Variants in KCNH7 observed in about 807,000 individuals in gnomAD.
KCNH7 encodes the protein potassium voltage-gated channel subfamily H member 7, also known as voltage-gated inwardly rectifying potassium channel KCNH7.
In KCNH7, 49 loss-of-function variants were observed where a neutral mutation model predicts 120.8. That is an observed-to-expected ratio of 0.41 (90% CI 0.32 to 0.51). The LOEUF is 0.51. KCNH7 is among the 20% of genes least tolerant of loss of function. The pLI is 0.38. For missense variants in KCNH7, 1,097 were observed against 1,446.6 expected, an observed-to-expected ratio of 0.76 and a Z score of 3.92; for synonymous variants, 547 against 516.1, an observed-to-expected ratio of 1.06 and a Z score of -0.81.
At chr2:162,773,220 G>GA (rs1683121307) in intron 2 of KCNH7, among the ~76,000 whole-genome samples, 2 of 152,198 alleles carry the variant, frequency 1.3e-5, no homozygotes, top group Non-Finnish European at 2.9e-5. Context: ...GGGCATAGTA[G>GA]TTCATGCCTG....
intron 2 of KCNH7, among the ~76,000 whole-genome samples, chr2:162,766,864 T>TAC (rs200638624): frequency 0.086 from 12,137 of 141,456 alleles, 504 homozygotes; most frequent in African/African-American, 0.094. Flanking sequence ...CTAAGCACAT[T>TAC]ACACACACAC....
At chr2:162,468,774 A>G (rs939545088) in intron 6 of KCNH7, among the ~76,000 whole-genome samples, 4 of 151,542 alleles carry the variant, frequency 2.6e-5, no homozygotes, top group African/African-American at 9.7e-5. Flanking sequence ...GTCTCGATCT[A>G]CTGACCTCAT....
chr2:162,517,596 CA>C (rs1324806053), intron 4 of KCNH7, 133 bp downstream of exon 4: 3 of 721,922 alleles, frequency 4.2e-6, no homozygotes, highest in Non-Finnish European at 6.5e-6. Flanking sequence ...GTGTAGGACT[CA>C]GGTTTTTAAT....
intron 5 of KCNH7, among the ~76,000 whole-genome samples, chr2:162,509,012 T>C (rs995490953): frequency 5.3e-5 from 8 of 151,430 alleles, no homozygotes; most frequent in Admixed American, 2.0e-4. Context: ...TTTTTCAATA[T>C]ATTAGGAGAA....
intron 2 of KCNH7, among the ~76,000 whole-genome samples, chr2:162,706,774 C>A (rs989414311): frequency 1.3e-5 from 2 of 152,104 alleles, no homozygotes; most frequent in African/African-American, 4.8e-5. Flanking sequence ...AGAGGCTTGG[C>A]ATAATGCTTG....
At chr2:162,549,377 T>A (rs1313348332) in intron 2 of KCNH7, among the ~76,000 whole-genome samples, 1 of 152,236 alleles carries the variant, frequency 6.6e-6, no homozygotes, top group Non-Finnish European at 1.5e-5. Flanking sequence ...AAACAGGAAC[T>A]TTCATCAAAA....
rs758417385 is a variant in KCNH7 at position 162,419,274 on chromosome 2, T to TAA, written c.2154+4060_2154+4061dup. On this transcript the variant is annotated intron_variant, in intron 9 of 15. Coordinates refer to ENST00000332142, the MANE Select transcript of KCNH7 (RefSeq NM_033272.4). ...AATTTCCTCCATTAATGTCCCAGGC[T>TAA]AAAAAAAAAAAAAAAAAAAAAAAGC... Among the ~76,000 whole-genome samples, 460 of 61,784 alleles carry TAA rather than the reference T, an allele frequency of 7.4e-3. 6 individuals carry two copies. The highest frequency in any genetic ancestry group is 0.025 in the African/African-American group (417 of 16,818). 40.5% of individuals were successfully genotyped at this position (61,784 alleles called of 152,430 possible).
chr2:162,643,804 CAAA>C (rs781089376), intron 2 of KCNH7, among the ~76,000 whole-genome samples: 3,943 of 89,844 alleles, frequency 0.044, 66 homozygotes, highest in African/African-American at 0.13. Flanking sequence ...GACTCTATCT[CAAA>C]AAAAAAAAAA....
chr2:162,537,279 C>T (rs10490428), intron 2 of KCNH7, among the ~76,000 whole-genome samples, 199 bp from the exon 3 acceptor site: 2,926 of 151,918 alleles, frequency 0.019, 37 homozygotes, highest in Non-Finnish European at 0.03. Context: ...TCCAGAAAAA[C>T]GTTACAAATA....
intron 3 of KCNH7, among the ~76,000 whole-genome samples, chr2:162,521,411 G>T (rs187405268): frequency 6.6e-6 from 1 of 151,972 alleles, no homozygotes; most frequent in Admixed American, 6.6e-5. Flanking sequence ...TGATTGAGTA[G>T]AACTCAATAG....
intron 6 of KCNH7, among the ~76,000 whole-genome samples, chr2:162,468,560 G>C (rs1689386965): frequency 1.9e-5 from 2 of 105,950 alleles, no homozygotes. Flanking sequence ...TCAGTCTGTT[G>C]CCCAGGATGG....
intron 2 of KCNH7, among the ~76,000 whole-genome samples, chr2:162,818,869 C>G (rs1386402078): frequency 6.6e-6 from 1 of 152,088 alleles, no homozygotes; most frequent in Non-Finnish European, 1.5e-5. Context: ...GTTAACCCCA[C>G]CAATTATGGG....
intron 3 of KCNH7, among the ~76,000 whole-genome samples, chr2:162,528,785 G>A (rs1274830635): frequency 6.6e-6 from 1 of 151,958 alleles, no homozygotes; most frequent in Admixed American, 6.6e-5. Context: ...AATACTAATT[G>A]TGAGACTATT....
intron 2 of KCNH7, among the ~76,000 whole-genome samples, chr2:162,790,654 C>T (rs147091832): frequency 1.3e-4 from 20 of 152,144 alleles, no homozygotes; most frequent in African/African-American, 4.1e-4. Context: ...GAGATTTACA[C>T]TTGGGAGGAA....
intron 2 of KCNH7, among the ~76,000 whole-genome samples, chr2:162,540,323 C>T (rs1053266392): frequency 6.6e-6 from 1 of 150,944 alleles, no homozygotes; most frequent in Non-Finnish European, 1.5e-5. Context: ...GAAAACATTT[C>T]CAAAGTGGAA....
chr2:162,689,284 G>A (rs550888506), intron 2 of KCNH7, among the ~76,000 whole-genome samples: 8 of 152,096 alleles, frequency 5.3e-5, no homozygotes, highest in Non-Finnish European at 7.4e-5. Flanking sequence ...CTGAGTAGCT[G>A]GGATTACAGG....
intron 2 of KCNH7, among the ~76,000 whole-genome samples, chr2:162,824,188 A>T (rs1394715057): frequency 6.6e-6 from 1 of 152,184 alleles, no homozygotes; most frequent in Non-Finnish European, 1.5e-5. Flanking sequence ...TTATTGGGGC[A>T]GCCAGTAATT....
intron 2 of KCNH7, among the ~76,000 whole-genome samples, chr2:162,636,029 G>T (rs1344807401): frequency 6.6e-6 from 1 of 152,048 alleles, no homozygotes; most frequent in African/African-American, 2.4e-5. Context: ...CATTTCATTA[G>T]AGCTTCCTTT....
intron 2 of KCNH7, among the ~76,000 whole-genome samples, chr2:162,602,894 TGAGGAGGAG>T (rs145044353): frequency 6.8e-6 from 1 of 147,444 alleles, no homozygotes; most frequent in Admixed American, 6.8e-5. Flanking sequence ...CGTAAAAATG[TGAGGAGGAG>T]GAGGAGGAGG....
Sources: gnomAD v4.1 joint callset for allele counts (sites outside exome capture counted in the v4.1 genomes callset) on GRCh38, gnomAD v4.1.1 for gene constraint, MANE v1.5 for transcripts, NCBI Gene and HGNC (gene_info 2026-07-23, HGNC 2026-07-21) for gene names.